NEBL: variants seen among roughly 807,000 people sequenced by gnomAD.
The protein encoded by NEBL is LIM and SH3 protein 2.
NEBL carries 122 observed loss-of-function variants against 140.2 expected under a neutral mutation model. That is an observed-to-expected ratio of 0.87 (90% CI 0.75 to 1.01). The LOEUF is 1.01. Among genes scored for constraint, NEBL ranks in the 50% least tolerant of loss-of-function variants. The pLI is 0.00. For missense variants in NEBL, 1,365 were observed against 1,231.3 expected (o/e 1.11, Z -1.62); for synonymous variants, 436 against 398.9 (o/e 1.09, Z -1.11).
chr10:21,037,762 A>G (rs1407821810), intron 2 of NEBL, among the ~76,000 whole-genome samples: 1 of 152,202 alleles, frequency 6.6e-6, no homozygotes, highest in Non-Finnish European at 1.5e-5. Context: ...AGATAGAATA[A>G]TGGAATGAAC....
intron 7 of NEBL, chr10:20,867,814 A>G (rs1419196264): frequency 6.6e-6 from 1 of 152,018 alleles, no homozygotes; most frequent in Non-Finnish European, 1.5e-5. Flanking sequence ...CGACACTTTT[A>G]TCATATATTA....
chr10:21,279,688 G>A (rs3940961), intron 1 of NEBL, among the ~76,000 whole-genome samples: 16,507 of 151,526 alleles, frequency 0.11, 1,225 homozygotes, highest in African/African-American at 0.2. Context: ...AACCTGGGAG[G>A]CAGAGGCTGC....
intron 3 of NEBL, among the ~76,000 whole-genome samples, chr10:21,011,806 T>C (rs1183382747): frequency 6.6e-6 from 1 of 152,166 alleles, no homozygotes; most frequent in Non-Finnish European, 1.5e-5. Context: ...ACTCCCCACC[T>C]GCACATCCAC....
At chr10:20,788,936 T>C (rs1461068153) in intron 26 of NEBL, among the ~76,000 whole-genome samples, 2 of 152,208 alleles carry the variant, frequency 1.3e-5, no homozygotes, top group African/African-American at 4.8e-5. Context: ...CAAATATTTA[T>C]CAGTTAATGC....
At chr10:21,052,067 T>A (rs1468299146) in intron 2 of NEBL, among the ~76,000 whole-genome samples, 2 of 152,220 alleles carry the variant, frequency 1.3e-5, no homozygotes, top group East Asian at 3.9e-4. Context: ...CATGTATTTT[T>A]TAAAGATATA....
At chr10:21,270,126 A>C (rs1207135509) in intron 1 of NEBL, among the ~76,000 whole-genome samples, 1 of 152,188 alleles carries the variant, frequency 6.6e-6, no homozygotes, top group Admixed American at 6.5e-5. Flanking sequence ...CTGGAATTCC[A>C]CTGAATGGTG....
At chr10:21,230,012 T>G (rs1210170770) in intron 3 of NEBL, among the ~76,000 whole-genome samples, 1 of 152,256 alleles carries the variant, frequency 6.6e-6, no homozygotes, top group African/African-American at 2.4e-5. Context: ...AATCAACTCT[T>G]CTTTCTCCAG....
chr10:21,200,382 C>T (rs751307840), intron 3 of NEBL, among the ~76,000 whole-genome samples: 3 of 127,520 alleles, frequency 2.4e-5, no homozygotes, highest in African/African-American at 6.1e-5. Flanking sequence ...GACACGATCT[C>T]GGCTCACTGC....
At chr10:21,183,109 GC>G (rs1026734525) in intron 3 of NEBL, among the ~76,000 whole-genome samples, 2 of 152,058 alleles carry the variant, frequency 1.3e-5, no homozygotes, top group African/African-American at 4.8e-5. Flanking sequence ...CACACTAGGG[GC>G]CCCCCAAGCA....
chr10:21,222,568 T>G (rs1432210842), intron 3 of NEBL, among the ~76,000 whole-genome samples: 1 of 152,210 alleles, frequency 6.6e-6, no homozygotes, highest in Non-Finnish European at 1.5e-5. Flanking sequence ...GCCAAGTCAC[T>G]ACTATTTTCT....
chr10:20,825,854 G>A (rs72785577), intron 18 of NEBL, among the ~76,000 whole-genome samples: 1,968 of 152,212 alleles, frequency 0.013, 26 homozygotes, highest in Middle Eastern at 0.037. Context: ...AAGGTTACTG[G>A]AAGCTAAGTT....
upstream of NEBL, among the ~76,000 whole-genome samples, chr10:21,178,705 T>A (rs1249400138): frequency 1.3e-5 from 2 of 152,250 alleles, no homozygotes; most frequent in African/African-American, 4.8e-5. Flanking sequence ...CAAATAATGA[T>A]GAAACATTCC....
chr10:20,912,249 G>A (rs971820869), intron 4 of NEBL, among the ~76,000 whole-genome samples: 3 of 152,122 alleles, frequency 2.0e-5, no homozygotes, highest in Non-Finnish European at 4.4e-5. Context: ...TCACAGACGT[G>A]GCTTGCAAGA....
intron 2 of NEBL, chr10:21,125,662 G>A (rs1455420033): frequency 3.7e-6 from 2 of 534,072 alleles, no homozygotes; most frequent in Non-Finnish European, 6.7e-6. Context: ...TGATGGATTT[G>A]TGCCAAAATG....
intron 19 of NEBL, among the ~76,000 whole-genome samples, chr10:20,820,623 C>A (rs759950613): frequency 6.6e-6 from 1 of 152,012 alleles, no homozygotes; most frequent in Non-Finnish European, 1.5e-5. Flanking sequence ...GTCATGAGTT[C>A]GAGACCAGCC....
At chr10:21,247,016 A>G (rs989858873) in intron 3 of NEBL, among the ~76,000 whole-genome samples, 3 of 151,828 alleles carry the variant, frequency 2.0e-5, no homozygotes, top group Non-Finnish European at 4.4e-5. Flanking sequence ...TTCTCATGAG[A>G]TCTGGCAGTT....
At chr10:20,910,288 G>A (rs1372327329) in intron 4 of NEBL, among the ~76,000 whole-genome samples, 2 of 152,082 alleles carry the variant, frequency 1.3e-5, no homozygotes, top group African/African-American at 4.8e-5. Flanking sequence ...ATTCTTTATA[G>A]TATTTATCTG....
intron 2 of NEBL, among the ~76,000 whole-genome samples, chr10:21,099,721 G>C (rs1160681924): frequency 6.6e-6 from 1 of 152,174 alleles, no homozygotes; most frequent in Non-Finnish European, 1.5e-5. Context: ...TGGAAGGAGG[G>C]AGAAAGACTG....
intron 3 of NEBL, among the ~76,000 whole-genome samples, chr10:21,188,098 C>A (rs2132213842): frequency 6.6e-6 from 1 of 152,302 alleles, no homozygotes; most frequent in African/African-American, 2.4e-5. Context: ...GCTTCTGCTC[C>A]AGTATGCTGT....
Sources: gnomAD v4.1 joint callset for allele counts (sites outside exome capture counted in the v4.1 genomes callset) on GRCh38, gnomAD v4.1.1 for gene constraint, MANE v1.5 for transcripts, NCBI Gene and HGNC (gene_info 2026-07-23, HGNC 2026-07-21) for gene names.